Variants in DCAF6 observed in about 807,000 individuals in gnomAD.
The protein encoded by DCAF6 is DDB1- and CUL4-associated factor 6.
A neutral mutation model predicts 125.1 loss-of-function variants in DCAF6; 54 were observed. The observed-to-expected ratio is 0.43, with a 90% CI of 0.35 to 0.54. The LOEUF (loss-of-function observed/expected upper bound fraction) is 0.54. Among genes scored for constraint, DCAF6 ranks in the 20% least tolerant of loss-of-function variants. The pLI is 0.01. For missense variants in DCAF6, 934 were observed against 1,161.7 expected (o/e 0.80, Z 2.85); for synonymous variants, 371 against 390.4 (o/e 0.95, Z 0.58).
chr1:167,946,159 G>A (rs1216717300), intron 1 of DCAF6, among the ~76,000 whole-genome samples: 4 of 151,934 alleles, frequency 2.6e-5, no homozygotes, highest in Non-Finnish European at 5.9e-5. Flanking sequence ...GTTTCACCAT[G>A]TTGGCCAGCT....
At chr1:167,930,182 C>A in the DCAF6 span, among the ~76,000 whole-genome samples, 1 of 152,088 alleles carries the variant, frequency 6.6e-6, no homozygotes, top group Non-Finnish European at 1.5e-5. Flanking sequence ...AAAATAGTAC[C>A]CAAAACATCA....
intron 2 of DCAF6, among the ~76,000 whole-genome samples, chr1:167,963,219 G>A (rs1330552234): frequency 1.3e-5 from 2 of 151,746 alleles, no homozygotes; most frequent in African/African-American, 4.8e-5. Flanking sequence ...AGCTGAGATC[G>A]TGCTGCTTCA....
the DCAF6 span, among the ~76,000 whole-genome samples, chr1:167,918,873 G>A: frequency 6.6e-6 from 1 of 152,078 alleles, no homozygotes. Context: ...GATTACAGGA[G>A]TGAGCCACCA....
At chr1:168,019,047 C>CTT (rs953672046) in intron 11 of DCAF6, among the ~76,000 whole-genome samples, 1 of 146,524 alleles carries the variant, frequency 6.8e-6, no homozygotes, top group African/African-American at 2.5e-5. Flanking sequence ...TGTACTCTCT[C>CTT]TTTTTTTTTT....
chr1:167,942,004 T>C (rs115295501), intron 1 of DCAF6, among the ~76,000 whole-genome samples: 93 of 152,342 alleles, frequency 6.1e-4, no homozygotes, highest in African/African-American at 2.2e-3. Flanking sequence ...GTGTAGTGAG[T>C]CTTCCTAATT....
At chr1:168,048,822 A>T (rs1689461270) in intron 16 of DCAF6, among the ~76,000 whole-genome samples, 1 of 152,254 alleles carries the variant, frequency 6.6e-6, no homozygotes, top group South Asian at 2.1e-4. Context: ...ACATTTAAAA[A>T]TGTAAAAACT....
At chr1:167,978,225 G>A (rs1216868002) in intron 4 of DCAF6, among the ~76,000 whole-genome samples, 2 of 152,072 alleles carry the variant, frequency 1.3e-5, no homozygotes, top group African/African-American at 2.4e-5. Flanking sequence ...CATTTGTTAG[G>A]GTGTATACTT....
At chr1:168,019,136 C>T (rs961506605) in intron 11 of DCAF6, among the ~76,000 whole-genome samples, 1 of 151,930 alleles carries the variant, frequency 6.6e-6, no homozygotes, top group African/African-American at 2.4e-5. Context: ...GCAACCTCCA[C>T]CTCCCGGGTT....
chr1:167,880,755 G>T, the DCAF6 span: 1 of 710,174 alleles, frequency 1.4e-6, no homozygotes, highest in Non-Finnish European at 2.6e-6. Context: ...TTTATTTTTA[G>T]TACACTTCAA....
chr1:167,937,656 C>A (rs1038189142), intron 1 of DCAF6, among the ~76,000 whole-genome samples: 2 of 152,212 alleles, frequency 1.3e-5, no homozygotes, highest in Non-Finnish European at 2.9e-5. Context: ...GGAAAACACA[C>A]TTGGCATTTA....
At chr1:168,025,692 C>A (rs961169188) in intron 12 of DCAF6, among the ~76,000 whole-genome samples, 1 of 152,148 alleles carries the variant, frequency 6.6e-6, no homozygotes, top group African/African-American at 2.4e-5. Flanking sequence ...TTTGTCTCTC[C>A]TAGATTAATG....
the DCAF6 span, among the ~76,000 whole-genome samples, chr1:167,903,255 C>G: frequency 7.0e-6 from 1 of 143,176 alleles, no homozygotes; most frequent in African/African-American, 2.6e-5. Flanking sequence ...GACTCTGACT[C>G]AAAAAAAAAA....
intron 4 of DCAF6, among the ~76,000 whole-genome samples, chr1:167,980,916 CTTTT>C (rs71100920): frequency 8.8e-6 from 1 of 113,566 alleles, no homozygotes. Context: ...TCTGAATTTT[CTTTT>C]TTTTTTTTTT....
the DCAF6 span, among the ~76,000 whole-genome samples, chr1:167,884,320 C>T: frequency 6.6e-6 from 1 of 152,042 alleles, no homozygotes; most frequent in Non-Finnish European, 1.5e-5. Flanking sequence ...TCTTATATGG[C>T]CAGAGGAGAG....
chr1:167,977,450 C>T (rs1456367404), intron 4 of DCAF6, among the ~76,000 whole-genome samples: 1 of 152,054 alleles, frequency 6.6e-6, no homozygotes. Context: ...CAAAGTCAGA[C>T]ATCAGTCTAA....
the DCAF6 span, chr1:167,883,376 C>G: frequency 5.7e-6 from 9 of 1,567,216 alleles, no homozygotes; most frequent in South Asian, 1.1e-5. Context: ...CACCAATGTG[C>G]TTGTCCATGA....
At chr1:168,011,325 C>T (rs2103137012) in intron 10 of DCAF6, among the ~76,000 whole-genome samples, 1 of 152,000 alleles carries the variant, frequency 6.6e-6, no homozygotes, top group East Asian at 1.9e-4. Flanking sequence ...ACCATGTTGG[C>T]CAGGATGGTC....
At chr1:167,922,636 G>T in the DCAF6 span, among the ~76,000 whole-genome samples, 1 of 151,736 alleles carries the variant, frequency 6.6e-6, no homozygotes, top group South Asian at 2.1e-4. Flanking sequence ...GTAAAATACA[G>T]CTCCCGAATG....
In DCAF6 at chr1:168,026,903, A is replaced by G. The variant is rs537375335; in HGVS notation, c.1609+3856A>G. On this transcript the variant is annotated intron_variant, in intron 12 of 21. Coordinates refer to ENST00000367840, the MANE Select transcript of DCAF6 (RefSeq NM_001198956.2). Reference sequence around the variant, plus strand: ...ATGAGATTGTCTAGAAAAAGAGGGTAGTGTGAGAAGAGTAGAGTGCACTAC... The same window carrying G: ...ATGAGATTGTCTAGAAAAAGAGGGTGGTGTGAGAAGAGTAGAGTGCACTAC... Among the ~76,000 whole-genome samples the G allele has an allele frequency of 3.6e-4, 55 of 152,166 alleles. No homozygotes were observed. In the Middle Eastern group the frequency reaches 0.014, roughly 38 times the overall value.
Sources: allele counts gnomAD v4.1 joint callset (sites outside exome capture counted in the v4.1 genomes callset), GRCh38; gene constraint gnomAD v4.1.1; transcripts MANE v1.5; gene names NCBI Gene and HGNC (gene_info 2026-07-23, HGNC 2026-07-21).